ADGRL3: variants seen among roughly 807,000 people sequenced by gnomAD.
The protein encoded by ADGRL3 is calcium-independent alpha-latrotoxin receptor 3.
In ADGRL3, 62 loss-of-function variants were observed where a neutral mutation model predicts 153.5. That is an observed-to-expected ratio of 0.40 (90% CI 0.33 to 0.50). The LOEUF (loss-of-function observed/expected upper bound fraction) is 0.50, where lower values mean the gene tolerates loss of function less well. ADGRL3 is among the 20% of genes least tolerant of loss of function. The probability of loss-of-function intolerance (pLI) is 0.47; values close to 1 mark genes in which losing one functional copy is unlikely to be tolerated. For synonymous variants in ADGRL3, 710 were observed against 672.5 expected (o/e 1.06, Z -0.86); for missense variants, 1,641 against 1,859.4 (o/e 0.88, Z 2.16).
intron 2 of ADGRL3, among the ~76,000 whole-genome samples, chr4:61,401,994 G>A (rs147228032): frequency 1.3e-5 from 2 of 152,170 alleles, no homozygotes; most frequent in African/African-American, 4.8e-5. Flanking sequence ...CTGTTGTAGT[G>A]CAAAGGCAGC....
chr4:61,634,488 G>A (rs1262248667), intron 5 of ADGRL3, among the ~76,000 whole-genome samples: 1 of 152,096 alleles, frequency 6.6e-6, no homozygotes, highest in Non-Finnish European at 1.5e-5. Context: ...ATATGTGTGA[G>A]ATATTTAATG....
intron 9 of ADGRL3, among the ~76,000 whole-genome samples, chr4:61,876,810 A>C (rs1332458673): frequency 6.6e-6 from 1 of 151,834 alleles, no homozygotes; most frequent in Admixed American, 6.6e-5. Flanking sequence ...ATCAAGAAAT[A>C]ACCATAAAAA....
chr4:61,561,352 A>T (rs1455582282), intron 4 of ADGRL3, among the ~76,000 whole-genome samples: 2 of 152,224 alleles, frequency 1.3e-5, no homozygotes, highest in African/African-American at 4.8e-5. Flanking sequence ...CATTTTATTG[A>T]TCAAGATTTA....
intron 8 of ADGRL3, among the ~76,000 whole-genome samples, chr4:61,758,868 A>T (rs1390337687): frequency 2.0e-5 from 3 of 152,186 alleles, no homozygotes; most frequent in Non-Finnish European, 2.9e-5. Context: ...CTTGTAGGGC[A>T]GGCCTGGTGG....
At chr4:61,223,397 T>C (rs867039914) in intron 1 of ADGRL3, among the ~76,000 whole-genome samples, 1 of 152,328 alleles carries the variant, frequency 6.6e-6, no homozygotes, top group Admixed American at 6.5e-5. Flanking sequence ...CAGAGAGTGA[T>C]GCAAAATTGT....
intron 6 of ADGRL3, among the ~76,000 whole-genome samples, chr4:61,719,036 AT>A (rs2096183318): frequency 6.6e-6 from 1 of 152,068 alleles, no homozygotes; most frequent in South Asian, 2.1e-4. Flanking sequence ...TTTTAATTTA[AT>A]TTTTCTATTC....
At chr4:61,430,684 A>G (rs2097345653) in intron 2 of ADGRL3, among the ~76,000 whole-genome samples, 1 of 152,058 alleles carries the variant, frequency 6.6e-6, no homozygotes. Flanking sequence ...AAATATACCT[A>G]ATTTCTTTCC....
At chr4:61,645,685 G>T (rs1397533129) in intron 5 of ADGRL3, among the ~76,000 whole-genome samples, 1 of 152,014 alleles carries the variant, frequency 6.6e-6, no homozygotes, top group Non-Finnish European at 1.5e-5. Context: ...CCCTTTGAGG[G>T]TAACCCGACC....
intron 4 of ADGRL3, among the ~76,000 whole-genome samples, chr4:61,518,120 G>A (rs554961740): frequency 1.3e-5 from 2 of 152,228 alleles, no homozygotes; most frequent in African/African-American, 4.8e-5. Flanking sequence ...AGGAGCATTA[G>A]GTCATATTTG....
At chr4:61,608,524 TCCA>T (rs1560928039) in intron 5 of ADGRL3, among the ~76,000 whole-genome samples, 1 of 152,152 alleles carries the variant, frequency 6.6e-6, no homozygotes, top group African/African-American at 2.4e-5. Context: ...ACTCATTCAG[TCCA>T]CATTTTTTTA....
chr4:61,305,255 TG>T (rs1297872572), intron 1 of ADGRL3, among the ~76,000 whole-genome samples: 1 of 152,138 alleles, frequency 6.6e-6, no homozygotes, highest in East Asian at 1.9e-4. Flanking sequence ...ATATCTTCCT[TG>T]GAAGAATGAA....
rs74285410 is a variant in ADGRL3 at position 61,561,009 on chromosome 4, A to G, written c.260-26218A>G. Among the ~76,000 whole-genome samples, 1,122 of 152,264 alleles carry G rather than the reference A, an allele frequency of 7.4e-3. 49 individuals are homozygous for G. The East Asian group carries it at 0.13, about 18-fold the overall frequency. ...GTGTCATATAAATAAATTAACAAGTATCTTTTATTTAACATTGTCTCAAGG... is the reference window on the plus strand; with the variant it reads ...GTGTCATATAAATAAATTAACAAGTGTCTTTTATTTAACATTGTCTCAAGG... On this transcript the variant is annotated intron_variant, in intron 4 of 26. Coordinates refer to ENST00000683033, the MANE Select transcript of ADGRL3 (RefSeq NM_001387552.1).
intron 6 of ADGRL3, among the ~76,000 whole-genome samples, chr4:61,711,716 T>C (rs1219562382): frequency 1.3e-5 from 2 of 151,508 alleles, no homozygotes; most frequent in Non-Finnish European, 2.9e-5. Context: ...CAAAAACAAC[T>C]GGTTTGGTTA....
intron 1 of ADGRL3, among the ~76,000 whole-genome samples, chr4:61,365,598 G>T (rs569706013): frequency 1.3e-5 from 2 of 152,346 alleles, no homozygotes; most frequent in South Asian, 2.1e-4. Context: ...GAGGCTGGGG[G>T]TATGCCCCAT....
intron 25 of ADGRL3, among the ~76,000 whole-genome samples, chr4:62,057,477 A>G (rs1232109813): frequency 1.3e-5 from 2 of 152,150 alleles, no homozygotes; most frequent in Non-Finnish European, 2.9e-5. Flanking sequence ...TAAAATGACT[A>G]TGATTTTAAC....
chr4:61,588,279 A>G (rs989973127), intron 5 of ADGRL3, among the ~76,000 whole-genome samples: 3 of 151,922 alleles, frequency 2.0e-5, no homozygotes, highest in Non-Finnish European at 2.9e-5. Flanking sequence ...GGAAAACTAT[A>G]TTTTAGATAA....
chr4:61,899,908 A>T (rs1332634593), intron 11 of ADGRL3, among the ~76,000 whole-genome samples: 1 of 152,134 alleles, frequency 6.6e-6, no homozygotes, highest in African/African-American at 2.4e-5. Context: ...TCATGATCTA[A>T]TCCCTTCCCA....
At chr4:61,466,766 A>G (rs183416544) in intron 2 of ADGRL3, among the ~76,000 whole-genome samples, 268 of 152,298 alleles carry the variant, frequency 1.8e-3, no homozygotes, top group African/African-American at 6.2e-3. Flanking sequence ...TCTATTGTAT[A>G]TCAATTAATA....
intron 5 of ADGRL3, among the ~76,000 whole-genome samples, chr4:61,603,998 G>A (rs971573680): frequency 2.0e-5 from 3 of 152,140 alleles, no homozygotes; most frequent in African/African-American, 7.2e-5. Flanking sequence ...TGGAGATCCT[G>A]CATGAGAGAG....
Sources: gnomAD v4.1 joint callset for allele counts (sites outside exome capture counted in the v4.1 genomes callset) on GRCh38, gnomAD v4.1.1 for gene constraint, MANE v1.5 for transcripts, NCBI Gene and HGNC (gene_info 2026-07-23, HGNC 2026-07-21) for gene names.